TMEM170A: variants seen among roughly 807,000 people sequenced by gnomAD.
TMEM170A encodes the protein transmembrane protein 170A, also known as transmembrane protein 170.
In TMEM170A, 18 loss-of-function variants were observed where a neutral mutation model predicts 12.8. The observed-to-expected ratio is 1.41, with a 90% confidence interval of 0.97 to 2.09. The LOEUF is 2.09. Ranked by LOEUF, TMEM170A falls within the 30% of genes most tolerant of loss-of-function variation. The pLI is 0.00. For missense variants in TMEM170A, 220 were observed against 179.9 expected, an observed-to-expected ratio of 1.22 and a Z score of -1.28; for synonymous variants, 107 against 76.2, an observed-to-expected ratio of 1.40 and a Z score of -2.11.
intron 2 of TMEM170A, among the ~76,000 whole-genome samples, chr16:75,449,232 T>C (rs1282129271): frequency 6.6e-6 from 1 of 152,150 alleles, no homozygotes; most frequent in East Asian, 1.9e-4. Context: ...TAAGGTATGA[T>C]CGCTATTCTC....
chr16:75,455,348 C>T (rs2079771406), intron 1 of TMEM170A, among the ~76,000 whole-genome samples: 2 of 83,668 alleles, frequency 2.4e-5, no homozygotes, highest in South Asian at 5.3e-4. Context: ...CAGAGCGAGA[C>T]ACTGTCTCAA....
intron 1 of TMEM170A, among the ~76,000 whole-genome samples, chr16:75,457,746 C>T (rs1365619710): frequency 1.3e-5 from 2 of 152,132 alleles, no homozygotes; most frequent in South Asian, 2.1e-4. Flanking sequence ...TTGTAAACAG[C>T]GTCCGGCATA....
intron 1 of TMEM170A, among the ~76,000 whole-genome samples, chr16:75,456,638 G>C (rs886656658): frequency 6.6e-6 from 1 of 152,176 alleles, no homozygotes; most frequent in Non-Finnish European, 1.5e-5. Context: ...ATTAGGCCAG[G>C]AGCTATTCCT....
At chr16:75,450,154 C>T (rs1465403581) in intron 2 of TMEM170A, among the ~76,000 whole-genome samples, 1 of 136,054 alleles carries the variant, frequency 7.4e-6, no homozygotes, top group African/African-American at 2.8e-5. Context: ...ACAGTTAGAA[C>T]ACAGAGAAAC....
chr16:75,459,257 G>A (rs772959702), intron 1 of TMEM170A, among the ~76,000 whole-genome samples: 1 of 152,202 alleles, frequency 6.6e-6, no homozygotes, highest in Non-Finnish European at 1.5e-5. Context: ...CAGACACAGA[G>A]AGCAGAATCC....
In TMEM170A at chr16:75,445,555, C is replaced by G. The variant is rs2079570395; in HGVS notation, c.*2003G>C. 1 of 152,274 alleles carries G rather than the reference C, an allele frequency of 6.6e-6. No homozygotes were observed. Among genetic ancestry groups the G allele is most frequent in the African/African-American group, 2.4e-5 (1 of 41,406 alleles). 9.4% of individuals were successfully genotyped at this position (152,274 alleles called of 1,614,324 possible). ...CAAGCAATCCTCCCACATCGACCTC[C>G]CAAAGTGCTGGGATTATAGGTGTGA... is the stretch of plus-strand genomic sequence containing the variant. On this transcript the variant is annotated 3_prime_UTR_variant, in exon 3 of 3. Coordinates refer to ENST00000561878, the MANE Select transcript of TMEM170A (RefSeq NM_145254.3).
chr16:75,447,878 A>T (rs1775689020), intron 2 of TMEM170A, among the ~76,000 whole-genome samples, 190 bp from the exon 3 acceptor site: 1 of 152,192 alleles, frequency 6.6e-6, no homozygotes, highest in Non-Finnish European at 1.5e-5. Context: ...TATTCATTGC[A>T]TGGCTTGCAA....
At chr16:75,451,495 G>T in intron 2 of TMEM170A, 174 bp downstream of exon 2, 1 of 661,682 alleles carries the variant, frequency 1.5e-6, no homozygotes, top group South Asian at 1.8e-5. Flanking sequence ...GCTGCAGTGA[G>T]CCAATATTGC....
chr16:75,463,051 G>T (rs8053852), intron 1 of TMEM170A, among the ~76,000 whole-genome samples: 89,753 of 151,878 alleles, frequency 0.59, 27,032 homozygotes, highest in Admixed American at 0.69. Context: ...TATATATATA[G>T]AGAGAGAGAA....
chr16:75,459,751 G>A (rs189344585), intron 1 of TMEM170A: 3 of 152,382 alleles, frequency 2.0e-5, no homozygotes, highest in Admixed American at 2.0e-4. Flanking sequence ...CAGCTACTCA[G>A]GAGGCTGAGG....
intron 1 of TMEM170A, among the ~76,000 whole-genome samples, chr16:75,459,657 G>C (rs528230888): frequency 1.3e-5 from 2 of 152,052 alleles, no homozygotes; most frequent in Non-Finnish European, 2.9e-5. Flanking sequence ...AGGAGTTCAA[G>C]ACCAGCCTGG....
chr16:75,458,482 G>C (rs1180421724), intron 1 of TMEM170A: 5 of 152,220 alleles, frequency 3.3e-5, no homozygotes, highest in African/African-American at 7.2e-5. Flanking sequence ...ATAAGAGTCA[G>C]AGAGATTTGA....
At chr16:75,455,991 C>CT (rs2079786875) in intron 1 of TMEM170A, among the ~76,000 whole-genome samples, 1 of 151,952 alleles carries the variant, frequency 6.6e-6, no homozygotes, top group African/African-American at 2.4e-5. Flanking sequence ...TTTTTTCCCC[C>CT]AGATCAATGA....
intron 1 of TMEM170A, 76 bp downstream of exon 1, chr16:75,464,392 C>T: frequency 1.4e-6 from 2 of 1,382,064 alleles, no homozygotes; most frequent in East Asian, 3.1e-5. Flanking sequence ...CGGGACCCCG[C>T]CCAGACTCGG....
chr16:75,451,989 T>C, intron 1 of TMEM170A, 150 bp from the exon 2 acceptor site: 1 of 744,184 alleles, frequency 1.3e-6, no homozygotes, highest in Non-Finnish European at 2.1e-6. Context: ...AATTTTTTTT[T>C]GAGACGGAGT....
chr16:75,454,118 C>T (rs1227541468), intron 1 of TMEM170A, among the ~76,000 whole-genome samples: 2 of 152,202 alleles, frequency 1.3e-5, no homozygotes, highest in African/African-American at 4.8e-5. Context: ...CCACCGCCCT[C>T]CGCCCTATTG....
intron 2 of TMEM170A, 111 bp from the exon 3 acceptor site, chr16:75,447,799 C>T (rs1318510275): frequency 2.4e-6 from 3 of 1,233,602 alleles, no homozygotes; most frequent in Non-Finnish European, 1.1e-6. Context: ...AGATTTTATA[C>T]TGAAATTTAA....
In TMEM170A at chr16:75,459,490, G is replaced by A. The variant is rs189581411; in HGVS notation, c.133+4978C>T. 2.0e-3 allele frequency among the ~76,000 whole-genome samples: 302 copies of A among 152,252 alleles called. 2 individuals are homozygous for A. The East Asian group carries it at 0.025, about 12-fold the overall frequency. On this transcript the variant is annotated intron_variant, in intron 1 of 2. Coordinates refer to ENST00000561878, the MANE Select transcript of TMEM170A (RefSeq NM_145254.3). ...CATCTTGTGTTTCAGTGAACAACTG[G>A]GTCAACACAGCCAGTTCCTCTGAAG...
chr16:75,458,476 G>C (rs1012991890), intron 1 of TMEM170A: 3 of 152,236 alleles, frequency 2.0e-5, no homozygotes, highest in African/African-American at 7.2e-5. Flanking sequence ...TAGGAGATAA[G>C]AGTCAGAGAG....
Sources: gnomAD v4.1 joint callset for allele counts (sites outside exome capture counted in the v4.1 genomes callset) on GRCh38, gnomAD v4.1.1 for gene constraint, MANE v1.5 for transcripts, NCBI Gene and HGNC (gene_info 2026-07-23, HGNC 2026-07-21) for gene names.